The following ANGPTL5 variants were observed in gnomAD, a reference collection of about 807,000 sequenced individuals.
The protein encoded by ANGPTL5 is angiopoietin like 5, also known as angiopoietin-related protein 5.
ANGPTL5 carries 34 observed loss-of-function variants against 39.4 expected under a neutral mutation model. That is an observed-to-expected ratio of 0.86 (90% confidence interval 0.66 to 1.15). The LOEUF (loss-of-function observed/expected upper bound fraction) is 1.15, where lower values mean the gene tolerates loss of function less well. Ranked by LOEUF, ANGPTL5 falls within the 50% of genes most tolerant of loss-of-function variation. ANGPTL5 has a pLI of 0.00. For missense variants in ANGPTL5, 467 were observed against 457.5 expected, an observed-to-expected ratio of 1.02 and a Z score of -0.19; for synonymous variants, 146 against 152.1, an observed-to-expected ratio of 0.96 and a Z score of 0.29.
chr11:101,892,920 A>G (rs745447794), intron 8 of ANGPTL5, among the ~76,000 whole-genome samples: 1 of 152,186 alleles, frequency 6.6e-6, no homozygotes, highest in Non-Finnish European at 1.5e-5. Flanking sequence ...TCTGCACTTC[A>G]TGGGAAACAA....
In ANGPTL5 at chr11:101,894,898, T is replaced by C; in HGVS notation, c.828A>G (p.Gly276=). ...TCTTACCAGCATTTCCTGAATACCGTCCTAAGTGCATTTTAAAAAATCTCG... is the reference window on the plus strand; with the variant it reads ...TCTTACCAGCATTTCCTGAATACCGCCCTAAGTGCATTTTAAAAAATCTCG... ...DETRFFKMHL[G]RYSGNAGDAF... is the part of the protein sequence containing the mutation. The change falls in exon 8 of 9, where the codon GGA becomes GGG. Residue 276 remains glycine (G), a synonymous_variant. Coordinates refer to ENST00000334289, the MANE Select transcript of ANGPTL5 (RefSeq NM_178127.5). 3 of 1,613,230 alleles carry C rather than the reference T, an allele frequency of 1.9e-6. No individual in the cohort carries two copies. The highest frequency in any genetic ancestry group is 2.5e-6 in the Non-Finnish European group (3 of 1,179,386).
Position 101,891,569 on chromosome 11 carries a change from C to G in ANGPTL5, c.877G>C (p.Asp293His), listed in dbSNP as rs747007871. The G allele has an allele frequency of 2.5e-5, 41 of 1,613,780 alleles. No individual in the cohort carries two copies. The Middle Eastern group carries it at 4.9e-4, about 19-fold the overall frequency. Residue 293 changes from aspartate (D) to histidine (H), a missense_variant, in exon 9 of 9, where the codon GAT (aspartate) becomes CAT (histidine). Transcript: ENST00000334289. ...GDAFRGLKKE[D>H]NQNAMPFSTS... is the part of the protein sequence containing the mutation. ...CTAAAAGGCATTGCATTTTGATTAT[C>G]TTCTTTTTTGAGACCCCGGAATGCA...
intron 1 of ANGPTL5, chr11:101,915,334 C>A (rs1184933685): frequency 2.5e-6 from 4 of 1,614,010 alleles, no homozygotes; most frequent in Non-Finnish European, 3.4e-6. Context: ...GAACTGGGCA[C>A]TGAATCATCG....
intron 8 of ANGPTL5, among the ~76,000 whole-genome samples, chr11:101,891,939 AG>A (rs1017712762): frequency 6.6e-6 from 1 of 152,238 alleles, no homozygotes; most frequent in Non-Finnish European, 1.5e-5. Context: ...TTGATAATTT[AG>A]GAAAAAAATT....
At position 101,896,450 on chromosome 11, in the gene ANGPTL5, T is replaced by C. The variant is rs549267928; in HGVS notation, c.662-1386A>G. On this transcript the variant is annotated intron_variant, in intron 7 of 8. Transcript: ENST00000334289. ...ATATACATGTGGCATGGTGATTCGC[T>C]GCACCCATGAACTCGTTATCTACAT... Among the ~76,000 whole-genome samples the C allele has an allele frequency of 3.9e-5, 6 of 152,250 alleles. No individual in the cohort carries two copies. The South Asian group carries it at 1.2e-3, about 32-fold the overall frequency.
At chr11:101,906,507 T>C (rs56249024) in intron 3 of ANGPTL5, among the ~76,000 whole-genome samples, 6,582 of 152,238 alleles carry the variant, frequency 0.043, 188 homozygotes, top group African/African-American at 0.081. Flanking sequence ...TGTACCGTCA[T>C]GCTATTTCAG....
In ANGPTL5 at chr11:101,902,553, T is replaced by C. The variant is rs143934689; in HGVS notation, c.540+68A>G. On this transcript the variant is annotated intron_variant, in intron 6 of 8. Coordinates refer to ENST00000334289, the MANE Select transcript of ANGPTL5 (RefSeq NM_178127.5). ...TATTAAAACAATTTAAATTTTAACA[T>C]AAATTAAATTGGTTGGATGTTTATC... 8.9e-4 allele frequency: 1,021 copies of C among 1,149,200 alleles called. 10 individuals are homozygous for C. The African/African-American group carries it at 0.014, about 16-fold the overall frequency. The allele number at this position is 1,149,200 out of a possible 1,614,324, so 71.2% of individuals were successfully genotyped here.
intron 6 of ANGPTL5, among the ~76,000 whole-genome samples, chr11:101,902,149 C>T (rs1017007608): frequency 6.6e-6 from 1 of 152,066 alleles, no homozygotes; most frequent in Non-Finnish European, 1.5e-5. Flanking sequence ...ATTAATTTCT[C>T]ATACAATCAC....
chr11:101,900,645 A>G (rs999319992), intron 6 of ANGPTL5, 95 bp from the exon 7 acceptor site: 5 of 1,345,390 alleles, frequency 3.7e-6, no homozygotes, highest in Non-Finnish European at 5.3e-6. Flanking sequence ...TTAGAAAAAG[A>G]GACGGTACTG....
Position 101,902,715 on chromosome 11 carries a change from T to C in ANGPTL5, c.446A>G (p.Asp149Gly), listed in dbSNP as rs533409426. 3.1e-6 allele frequency: 5 copies of C among 1,607,242 alleles called. No individual in the cohort carries two copies. Among genetic ancestry groups the C allele is most frequent in the Non-Finnish European group, 4.3e-6 (5 of 1,175,032 alleles). The change falls in exon 6 of 9, where the codon GAT becomes GGT. Residue 149 changes from aspartate (D) to glycine (G), a missense_variant. Asp to Gly is a moderately conservative substitution (Grantham distance 94). Coordinates refer to ENST00000334289, the MANE Select transcript of ANGPTL5 (RefSeq NM_178127.5). ...PHRPVQSHGLDCTDIKDTIGS... is the reference protein window; with the variant it reads ...PHRPVQSHGLGCTDIKDTIGS... ...AATGGTATCCTTAATATCAGTGCAA[T>C]CTAAACCTAGAAAAGCAAAATTATT...
In ANGPTL5 at chr11:101,891,179, A is replaced by C. The variant is rs1355165716; in HGVS notation, c.*100T>G. 3.6e-6 allele frequency: 4 copies of C among 1,126,578 alleles called. No individual in the cohort carries two copies. The highest frequency in any genetic ancestry group is 3.7e-6 in the Non-Finnish European group (3 of 806,956). The allele number at this position is 1,126,578 out of a possible 1,614,324, so 69.8% of individuals were successfully genotyped here. A position where few individuals can be genotyped will look rare whatever the true frequency, so the allele number is the denominator to read the frequency against. On this transcript the variant is annotated 3_prime_UTR_variant, in exon 9 of 9. Transcript: ENST00000334289. ...ACATCTAAATGCCATCTACAGTTAA[A>C]TTTTGCCTAATATGTTTGAAACACT...
chr11:101,903,917 C>T (rs960226740), intron 5 of ANGPTL5, among the ~76,000 whole-genome samples: 3 of 151,920 alleles, frequency 2.0e-5, no homozygotes, highest in South Asian at 2.1e-4. Context: ...ACATTTGATT[C>T]GGGCAATATT....
At position 101,895,076 on chromosome 11, in the gene ANGPTL5, A is replaced by T. The variant is rs1555046631; in HGVS notation, c.662-12T>A. On this transcript the variant is annotated splice_polypyrimidine_tract_variant and intron_variant, in intron 7 of 8. Transcript: ENST00000334289. Reference sequence around the variant, plus strand: ...TAGCCAAAATTCTCCTGTAAAAAAAATGCTTTGTTTTAATATATTTTAATA... The same window carrying T: ...TAGCCAAAATTCTCCTGTAAAAAAATTGCTTTGTTTTAATATATTTTAATA... 3.9e-6 allele frequency: 6 copies of T among 1,537,304 alleles called. No individual in the cohort carries two copies. The East Asian group carries it at 1.1e-4, about 29-fold the overall frequency.
Position 101,897,762 on chromosome 11 carries a change from G to C in ANGPTL5, c.661+2668C>G, listed in dbSNP as rs546299531. ...AAGCTGTTTTGGTTACTGTAGCCTT[G>C]TAGTATAGTTTGAAGTCAGGTAGCA... On this transcript the variant is annotated intron_variant, in intron 7 of 8. Transcript: ENST00000334289. 4.6e-5 allele frequency among the ~76,000 whole-genome samples: 7 copies of C among 152,292 alleles called. No individual in the cohort carries two copies. The East Asian group carries it at 1.2e-3, about 25-fold the overall frequency.
intron 1 of ANGPTL5, chr11:101,915,076 G>A (rs1336428128): frequency 1.6e-6 from 1 of 611,264 alleles, no homozygotes; most frequent in Non-Finnish European, 2.6e-6. Context: ...ATTGCCCGGC[G>A]AGGTCGCCGC....
rs1940209730 is a variant in ANGPTL5 at position 101,916,252 on chromosome 11, C to G, written c.-326G>C. 1.3e-5 allele frequency: 2 copies of G among 152,174 alleles called. No homozygotes were observed. The highest frequency in any genetic ancestry group is 4.8e-5 in the African/African-American group (2 of 41,432). The allele number at this position is 152,174 out of a possible 1,614,324, so 9.4% of individuals were successfully genotyped here. On this transcript the variant is annotated 5_prime_UTR_variant, in exon 1 of 9. Coordinates refer to ENST00000334289, the MANE Select transcript of ANGPTL5 (RefSeq NM_178127.5). ...AACTCTGTTTTCTTATCCCCTTTGT[C>G]TCCAATTTCTAGGATGTTCTTTGTA...
chr11:101,902,559 A>C, intron 6 of ANGPTL5, 62 bp downstream of exon 6: 1 of 1,192,204 alleles, frequency 8.4e-7, no homozygotes, highest in East Asian at 2.4e-5. Context: ...AACATAAATT[A>C]AATTGGTTGG....
intron 6 of ANGPTL5, among the ~76,000 whole-genome samples, chr11:101,901,198 T>C (rs541382897): frequency 1.4e-4 from 22 of 152,184 alleles, no homozygotes; most frequent in African/African-American, 5.3e-4. Context: ...ATTTTAAAGT[T>C]ATCCTCTTAT....
At chr11:101,902,829 T>A in intron 5 of ANGPTL5, 108 bp from the exon 6 acceptor site, 2 of 658,132 alleles carry the variant, frequency 3.0e-6, no homozygotes, top group South Asian at 2.1e-5. Flanking sequence ...CATTATTATA[T>A]TATTTTAACT....
Sources: gnomAD v4.1 joint callset for allele counts (sites outside exome capture counted in the v4.1 genomes callset) on GRCh38, gnomAD v4.1.1 for gene constraint, MANE v1.5 for transcripts, NCBI Gene and HGNC (gene_info 2026-07-23, HGNC 2026-07-21) for gene names.